Variants in AGFG1 observed in about 807,000 individuals in gnomAD.
The protein encoded by AGFG1 is arf-GAP domain and FG repeat-containing protein 1.
A neutral mutation model predicts 60.6 loss-of-function variants in AGFG1; 10 were observed. The observed-to-expected ratio is 0.16, with a 90% CI of 0.10 to 0.28. The LOEUF is 0.28. Ranked by LOEUF, AGFG1 falls within the 10% of genes least tolerant of loss-of-function variation. AGFG1 has a pLI of 1.00. For synonymous variants in AGFG1, 247 were observed against 242.9 expected (o/e 1.02, Z -0.16); for missense variants, 537 against 676.5 (o/e 0.79, Z 2.29).
At chr2:227,536,371 G>C (rs1425130263) in intron 8 of AGFG1, among the ~76,000 whole-genome samples, 5 of 151,964 alleles carry the variant, frequency 3.3e-5, no homozygotes, top group Non-Finnish European at 7.4e-5. Flanking sequence ...TGTACTAGTC[G>C]TTACAATAGT....
chr2:227,495,605 G>A (rs919543748), intron 2 of AGFG1, among the ~76,000 whole-genome samples: 2 of 151,842 alleles, frequency 1.3e-5, no homozygotes, highest in Non-Finnish European at 2.9e-5. Context: ...GTGATGTCAT[G>A]GGCAAATTAT....
chr2:227,546,297 C>T (rs113983746), intron 10 of AGFG1, among the ~76,000 whole-genome samples: 6,903 of 152,298 alleles, frequency 0.045, 201 homozygotes, highest in African/African-American at 0.088. Flanking sequence ...GAGCCAGGCG[C>T]GGGATATAAT....
At chr2:227,513,316 T>A (rs1691548880) in intron 2 of AGFG1, among the ~76,000 whole-genome samples, 1 of 152,224 alleles carries the variant, frequency 6.6e-6, no homozygotes, top group South Asian at 2.1e-4. Context: ...CTGCTCTGGC[T>A]CCAAGCAGCT....
chr2:227,534,620 G>A (rs1171009296), intron 7 of AGFG1, among the ~76,000 whole-genome samples: 1 of 152,134 alleles, frequency 6.6e-6, no homozygotes, highest in African/African-American at 2.4e-5. Flanking sequence ...TTTTGGTACA[G>A]AGTGTTAATT....
At chr2:227,481,884 T>C (rs1690475827) in intron 1 of AGFG1, among the ~76,000 whole-genome samples, 1 of 150,180 alleles carries the variant, frequency 6.7e-6, no homozygotes, top group Non-Finnish European at 1.5e-5. Context: ...TTTTTTTTTT[T>C]TGAGACAGAG....
chr2:227,490,272 A>G (rs1340069636), intron 1 of AGFG1, among the ~76,000 whole-genome samples: 6 of 152,086 alleles, frequency 3.9e-5, no homozygotes, highest in African/African-American at 1.2e-4. Context: ...TGACTGACAA[A>G]TTCTTTAAAA....
intron 3 of AGFG1, among the ~76,000 whole-genome samples, chr2:227,520,632 A>G (rs1267659904): frequency 1.3e-5 from 2 of 152,212 alleles, no homozygotes; most frequent in East Asian, 3.8e-4. Context: ...TAATTCCAAC[A>G]GGTTGTACAT....
intron 2 of AGFG1, among the ~76,000 whole-genome samples, chr2:227,505,709 A>G (rs1398597295): frequency 6.6e-6 from 1 of 151,820 alleles, no homozygotes; most frequent in Non-Finnish European, 1.5e-5. Flanking sequence ...GTTTTCTTAT[A>G]TGATATGGTC....
chr2:227,552,672 C>CTTTT (rs199665905), intron 11 of AGFG1, among the ~76,000 whole-genome samples: 1 of 134,210 alleles, frequency 7.5e-6, no homozygotes, highest in Non-Finnish European at 1.6e-5. Flanking sequence ...TTTCTTTTTT[C>CTTTT]TTTTTTTTTT....
chr2:227,522,945 A>G lies in AGFG1; in HGVS notation c.378-818A>G, dbSNP rs149685384. On this transcript the variant is annotated intron_variant, in intron 3 of 12. Transcript: ENST00000310078. ...AAGTTTCCTCTTTCCATGTCAAAGC[A>G]GAGTAGCTATGAGTATTGTATTATC... Among the ~76,000 whole-genome samples the G allele has an allele frequency of 3.9e-3, 590 of 152,316 alleles. 1 individual carries two copies. The highest frequency in any genetic ancestry group is 6.7e-3 in the Non-Finnish European group (456 of 68,026).
chr2:227,472,786 G>T (rs1483480431), intron 1 of AGFG1, among the ~76,000 whole-genome samples, 198 bp downstream of exon 1: 1 of 151,948 alleles, frequency 6.6e-6, no homozygotes, highest in Non-Finnish European at 1.5e-5. Context: ...AGCCGGGCTG[G>T]GGATGCGTTT....
chr2:227,514,102 G>T (rs1691581568), intron 2 of AGFG1, among the ~76,000 whole-genome samples: 1 of 152,192 alleles, frequency 6.6e-6, no homozygotes, highest in Admixed American at 6.5e-5. Flanking sequence ...ACAGCTTCCT[G>T]TATTTTCCTG....
Position 227,548,111 on chromosome 2 carries a change from A to G in AGFG1, c.1379-3848A>G, listed in dbSNP as rs141838044. ...AAAAGGCCACATATTTGTGGTGGCC[A>G]TTTGTATGAAATGTCCAGAATTGGA... is the stretch of plus-strand genomic sequence containing the variant. On this transcript the variant is annotated intron_variant, in intron 10 of 12. Coordinates refer to ENST00000310078, the MANE Select transcript of AGFG1 (RefSeq NM_004504.5). 3.1e-3 allele frequency among the ~76,000 whole-genome samples: 478 copies of G among 152,336 alleles called. 1 individual carries two copies. Among genetic ancestry groups the G allele is most frequent in the Middle Eastern group, 6.8e-3 (2 of 294 alleles).
At chr2:227,506,856 G>A (rs1691329925) in intron 2 of AGFG1, among the ~76,000 whole-genome samples, 1 of 152,048 alleles carries the variant, frequency 6.6e-6, no homozygotes, top group South Asian at 2.1e-4. Flanking sequence ...TTTTGCTAAT[G>A]CCATCCACGT....
intron 1 of AGFG1, among the ~76,000 whole-genome samples, chr2:227,486,702 C>T (rs1042970681): frequency 6.6e-6 from 1 of 152,046 alleles, no homozygotes; most frequent in African/African-American, 2.4e-5. Flanking sequence ...AAGATTGAAC[C>T]TTGGTAGAGT....
chr2:227,508,455 C>G (rs1270277191), intron 2 of AGFG1: 2 of 312,078 alleles, frequency 6.4e-6, no homozygotes, highest in Non-Finnish European at 1.3e-5. Context: ...TTCTGCTACT[C>G]CCTTGCTCAA....
intron 10 of AGFG1, among the ~76,000 whole-genome samples, chr2:227,549,773 G>A (rs116149889): frequency 0.026 from 4,024 of 152,182 alleles, 205 homozygotes; most frequent in African/African-American, 0.092. Context: ...CTGTAAAAAA[G>A]TTGATGCCTA....
At chr2:227,532,817 G>A (rs77643032) in intron 6 of AGFG1, among the ~76,000 whole-genome samples, 13 of 151,980 alleles carry the variant, frequency 8.6e-5, no homozygotes, top group East Asian at 3.9e-4. Context: ...ACTTTAAGGA[G>A]GTCTCTATAA....
In AGFG1 at chr2:227,524,805, A is replaced by G. The variant is rs142310218; in HGVS notation, c.584A>G (p.Lys195Arg). The change falls in exon 5 of 13, where the codon AAG becomes AGG. Residue 195 changes from lysine to arginine, a missense_variant. Transcript: ENST00000310078. The stretch of plus-strand genomic sequence containing the variant: ...TCTCAAGGGCAGCAGCAGGAGAAGA[A>G]GCAATTTGACCTTTTAAGTGATCTC... Reference protein sequence around the residue: ...GRSQGQQQEKKQFDLLSDLGS... With the variant: ...GRSQGQQQEKRQFDLLSDLGS... The G allele has an allele frequency of 1.2e-6, 2 of 1,614,196 alleles. No homozygotes were observed. The highest frequency in any genetic ancestry group is 1.7e-6 in the Non-Finnish European group (2 of 1,180,014).
Sources: gnomAD v4.1 joint callset for allele counts (sites outside exome capture counted in the v4.1 genomes callset) on GRCh38, gnomAD v4.1.1 for gene constraint, MANE v1.5 for transcripts, NCBI Gene and HGNC (gene_info 2026-07-23, HGNC 2026-07-21) for gene names.